Variants in PCDHGA1 observed in about 807,000 individuals in gnomAD.
PCDHGA1 encodes protocadherin gamma subfamily A, 1, also known as protocadherin gamma-A1.
Under a neutral mutation model 58.0 loss-of-function variants are expected in PCDHGA1, and 32 were observed. That is an observed-to-expected ratio of 0.55 (90% confidence interval 0.42 to 0.74). The LOEUF (loss-of-function observed/expected upper bound fraction) is 0.74, where lower values mean the gene tolerates loss of function less well. PCDHGA1 is among the 30% of genes least tolerant of loss of function. The probability of loss-of-function intolerance (pLI) is 0.00; values close to 1 mark genes in which losing one functional copy is unlikely to be tolerated. For missense variants in PCDHGA1, 1,205 were observed against 1,182.3 expected (o/e 1.02, Z -0.28); for synonymous variants, 498 against 501.1 (o/e 0.99, Z 0.08).
rs546302103 is a variant in PCDHGA1, at chr5:141,331,300, G to C, written c.616G>C (p.Ala206Pro). 3.5e-5 allele frequency: 56 copies of C among 1,614,014 alleles called. No homozygotes were observed. Among genetic ancestry groups the C allele is most frequent in the Non-Finnish European group, 4.7e-5 (56 of 1,180,036 alleles). The change falls in exon 1 of 4, where the codon GCT becomes CCT. Residue 206 changes from alanine to proline, a missense_variant. Coordinates refer to ENST00000517417, the MANE Select transcript of PCDHGA1 (RefSeq NM_018912.3). ...GAGTCCCTTAGACAGAGAAGAAGAA[G>C]CTGTCCACCACCTCATCCTCACAGC... ...LQSPLDREEE[A>P]VHHLILTASD...
At chr5:141,492,952 C>T (rs1428667098) in intron 1 of PCDHGA1, among the ~76,000 whole-genome samples, 1 of 152,242 alleles carries the variant, frequency 6.6e-6, no homozygotes, top group Non-Finnish European at 1.5e-5. Context: ...GGTGACCAAA[C>T]TATCTGACAC....
intron 1 of PCDHGA1, chr5:141,375,345 C>T (rs749825552): frequency 5.0e-6 from 8 of 1,613,858 alleles, no homozygotes; most frequent in South Asian, 4.4e-5. Flanking sequence ...TACAACATCA[C>T]TGTGACAGCC....
chr5:141,400,020 G>A (rs1589396224), intron 1 of PCDHGA1: 1 of 1,612,942 alleles, frequency 6.2e-7, no homozygotes, highest in South Asian at 1.1e-5. Context: ...TGGGCGACAG[G>A]GACGCGGCCC....
At chr5:141,333,520 T>A in intron 1 of PCDHGA1, 1 of 258,486 alleles carries the variant, frequency 3.9e-6, no homozygotes, top group Non-Finnish European at 7.2e-6. Context: ...AATCTACCCC[T>A]GAATTTAATG....
rs768704302 is a variant in PCDHGA1 at position 141,383,259 on chromosome 5, C to A, written c.2421+50154C>A. On this transcript the variant is annotated intron_variant, in intron 1 of 3. Coordinates refer to ENST00000517417, the MANE Select transcript of PCDHGA1 (RefSeq NM_018912.3). ...ATAAAATGAATCTTTACCCTATAGA[C>A]GTGGAAATAATAGATATTAATGACA... The A allele has an allele frequency of 5.6e-6, 9 of 1,613,810 alleles. No individual in the cohort carries two copies. In the South Asian group the frequency reaches 6.6e-5, roughly 12 times the overall value.
In PCDHGA1 at chr5:141,404,211, T is replaced by C. The variant is rs1423741415; in HGVS notation, c.2421+71106T>C. ...CGAGAAAAAGCCTCAGAATATAATATCACGGTGACTGCAACAGACAGAGGA... is the reference window on the plus strand; with the variant it reads ...CGAGAAAAAGCCTCAGAATATAATACCACGGTGACTGCAACAGACAGAGGA... On this transcript the variant is annotated intron_variant, in intron 1 of 3. Coordinates refer to ENST00000517417, the MANE Select transcript of PCDHGA1 (RefSeq NM_018912.3). 3 of 1,613,606 alleles carry C rather than the reference T, an allele frequency of 1.9e-6. No homozygotes were observed. The Admixed American group carries it at 5.0e-5, about 27-fold the overall frequency.
chr5:141,489,428 G>C lies in PCDHGA1; in HGVS notation c.2422-5379G>C, dbSNP rs561792279. The C allele has an allele frequency of 1.2e-6, 2 of 1,613,994 alleles. No individual in the cohort carries two copies. Among genetic ancestry groups the C allele is most frequent in the Non-Finnish European group, 1.7e-6 (2 of 1,180,038 alleles). On this transcript the variant is annotated intron_variant, in intron 1 of 3. Coordinates refer to ENST00000517417, the MANE Select transcript of PCDHGA1 (RefSeq NM_018912.3). This position sits in a 1 kb window ranked among gnomAD's most constrained non-coding sequence, Gnocchi z 4.5. The stretch of plus-strand genomic sequence containing the variant: ...AAGATGACAGATCTGTTGAGCCGGC[G>C]GCTGCAATTGGGCTCTGAGGAGAAT...
At chr5:141,370,641 AACTT>A in intron 1 of PCDHGA1, 1 of 1,613,910 alleles carries the variant, frequency 6.2e-7, no homozygotes, top group Non-Finnish European at 8.5e-7. Context: ...CGAAAATGGG[AACTT>A]ACTTGTGAGC....
intron 1 of PCDHGA1, chr5:141,339,518 C>G: frequency 6.2e-7 from 1 of 1,614,084 alleles, no homozygotes; most frequent in Non-Finnish European, 8.5e-7. Flanking sequence ...CCTGGACGTG[C>G]GAAGGGGAGC....
Position 141,394,592 on chromosome 5 carries a change from G to A in PCDHGA1, c.2421+61487G>A, listed in dbSNP as rs754585576. The A allele has an allele frequency of 3.3e-4, 534 of 1,613,642 alleles. 1 individual carries two copies. Among genetic ancestry groups the A allele is most frequent in the Non-Finnish European group, 4.3e-4 (502 of 1,180,046 alleles). On this transcript the variant is annotated intron_variant, in intron 1 of 3. Coordinates refer to ENST00000517417, the MANE Select transcript of PCDHGA1 (RefSeq NM_018912.3). ...GCTACCTGGTGACCAAGGTGGTGGC[G>A]GTGGACAGAGACTCGGGCCAGAACG...
intron 1 of PCDHGA1, chr5:141,398,523 A>T (rs988295276): frequency 6.2e-7 from 1 of 1,613,602 alleles, no homozygotes; most frequent in Non-Finnish European, 8.5e-7. Context: ...ACACGCCAAA[A>T]TTCACGCAAA....
In PCDHGA1 at chr5:141,511,125, A is replaced by T. The variant is rs755685600; in HGVS notation, c.2748A>T (p.Ala916=). Residue 916 remains alanine, a synonymous_variant, in exon 4 of 4, where the codon GCA becomes GCT. Transcript: ENST00000517417. ...GCAAGCGGGATGGCAAGGCCCCAGCAGGTGGCAATGGCAACAAGAAGAAGT... is the reference window on the plus strand; with the variant it reads ...GCAAGCGGGATGGCAAGGCCCCAGCTGGTGGCAATGGCAACAAGAAGAAGT... ...AAGKRDGKAP[A]GGNGNKKKSG... 2 of 1,614,216 alleles carry T rather than the reference A, an allele frequency of 1.2e-6. No individual in the cohort carries two copies. The highest frequency in any genetic ancestry group is 2.2e-5 in the South Asian group (2 of 91,092).
At chr5:141,343,778 A>G in intron 1 of PCDHGA1, 1 of 411,218 alleles carries the variant, frequency 2.4e-6, no homozygotes, top group Non-Finnish European at 4.3e-6. Context: ...TAGGCCTCTT[A>G]GTGTCGCTGT....
intron 1 of PCDHGA1, among the ~76,000 whole-genome samples, chr5:141,482,385 A>T (rs1238551737): frequency 6.6e-6 from 1 of 152,210 alleles, no homozygotes; most frequent in Non-Finnish European, 1.5e-5. Context: ...AAGTCCCTGT[A>T]TGGAGCAAGT....
rs771298166 is a variant in PCDHGA1 at position 141,345,041 on chromosome 5, G to C, written c.2421+11936G>C. On this transcript the variant is annotated intron_variant, in intron 1 of 3. Transcript: ENST00000517417. ...TTTCAAGAGCCAAGATTCTAGTCAC[G>C]GTTCTGGATGTGAATGACAATGCTC... 5.0e-6 allele frequency: 8 copies of C among 1,613,824 alleles called. No homozygotes were observed. The African/African-American group carries it at 5.3e-5, about 11-fold the overall frequency.
intron 1 of PCDHGA1, among the ~76,000 whole-genome samples, chr5:141,437,922 G>A (rs1039507511): frequency 1.3e-5 from 2 of 152,106 alleles, no homozygotes; most frequent in Admixed American, 6.5e-5. Context: ...ATTTTTAGTA[G>A]AGATGGGGTT....
At chr5:141,353,273 T>G (rs1391444264) in intron 1 of PCDHGA1, among the ~76,000 whole-genome samples, 2 of 152,234 alleles carry the variant, frequency 1.3e-5, no homozygotes, top group African/African-American at 4.8e-5. Context: ...TACTATATTT[T>G]CAAGTCATTT....
At chr5:141,444,561 G>A (rs1554133061) in intron 1 of PCDHGA1, among the ~76,000 whole-genome samples, 2 of 152,098 alleles carry the variant, frequency 1.3e-5, no homozygotes, top group Non-Finnish European at 2.9e-5. Context: ...GCACTTATTT[G>A]ACACTTTTGA....
rs1285679219 is a variant in PCDHGA1, at chr5:141,331,589, C to G, written c.905C>G (p.Ser302Ter). 12 of 1,613,926 alleles carry G rather than the reference C, an allele frequency of 7.4e-6. No homozygotes were observed. Among genetic ancestry groups the G allele is most frequent in the Non-Finnish European group, 1.0e-5 (12 of 1,180,038 alleles). The stretch of plus-strand genomic sequence containing the variant: ...TTAGATTCTTACACAGGAGAAATAT[C>G]AAATAAAGAACCACTAGATTTCGAA... ...FRLDSYTGEI[S>*]NKEPLDFEEY... is the part of the protein sequence containing the mutation. The change falls in exon 1 of 4, where the codon TCA becomes TGA. Residue 302 changes from serine (S) to a stop codon, truncating the protein, a stop_gained. Coordinates refer to ENST00000517417, the MANE Select transcript of PCDHGA1 (RefSeq NM_018912.3). LOFTEE classifies it high-confidence loss of function.
Sources: gnomAD v4.1 joint callset for allele counts (sites outside exome capture counted in the v4.1 genomes callset) on GRCh38, gnomAD v4.1.1 for gene constraint, Gnocchi (gnomAD v3.1) non-coding constraint, MANE v1.5 for transcripts, NCBI Gene and HGNC (gene_info 2026-07-23, HGNC 2026-07-21) for gene names.